Variants in ZDHHC14 observed in about 807,000 individuals in gnomAD.
The protein encoded by ZDHHC14 is zDHHC palmitoyltransferase 14.
A neutral mutation model predicts 47.7 loss-of-function variants in ZDHHC14; 16 were observed. That is an observed-to-expected ratio of 0.34 (90% confidence interval 0.23 to 0.51). ZDHHC14 has a LOEUF of 0.51. Among genes scored for constraint, ZDHHC14 ranks in the 20% least tolerant of loss-of-function variants. The pLI, the probability that ZDHHC14 is intolerant of heterozygous loss-of-function variation, is 0.97. For synonymous variants in ZDHHC14, 293 were observed against 278.9 expected (o/e 1.05, Z -0.50); for missense variants, 515 against 662.5 (o/e 0.78, Z 2.44).
intron 8 of ZDHHC14, among the ~76,000 whole-genome samples, chr6:157,656,919 G>T (rs1321534513): frequency 6.6e-6 from 1 of 152,150 alleles, no homozygotes; most frequent in Admixed American, 6.5e-5. Context: ...ATCATGGTGG[G>T]ATTGAGTAAG....
intron 8 of ZDHHC14, among the ~76,000 whole-genome samples, chr6:157,656,459 C>T (rs1030312053): frequency 2.0e-5 from 3 of 151,998 alleles, no homozygotes; most frequent in South Asian, 4.2e-4. Flanking sequence ...CTCAGCTTCC[C>T]GAGTAGATGG....
chr6:157,487,491 C>A (rs1299440080), intron 1 of ZDHHC14, among the ~76,000 whole-genome samples: 1 of 152,160 alleles, frequency 6.6e-6, no homozygotes, highest in African/African-American at 2.4e-5. Context: ...CACTACATGC[C>A]CTTGGTGAGC....
At chr6:157,450,370 T>C (rs901773099) in intron 1 of ZDHHC14, among the ~76,000 whole-genome samples, 7 of 151,966 alleles carry the variant, frequency 4.6e-5, no homozygotes, top group African/African-American at 1.2e-4. Flanking sequence ...AACAATTGGC[T>C]AAATTGTTTC....
At chr6:157,467,186 G>A (rs1377959666) in intron 1 of ZDHHC14, among the ~76,000 whole-genome samples, 1 of 152,154 alleles carries the variant, frequency 6.6e-6, no homozygotes, top group African/African-American at 2.4e-5. Context: ...CATGCCGTGA[G>A]ATTTGCCCTT....
chr6:157,548,361 T>TG (rs1264819363), intron 2 of ZDHHC14, among the ~76,000 whole-genome samples: 2 of 152,172 alleles, frequency 1.3e-5, no homozygotes, highest in African/African-American at 4.8e-5. Context: ...CCTGCCGGTG[T>TG]GGGGGTCCTT....
chr6:157,554,305 C>A (rs1227499087), intron 2 of ZDHHC14, among the ~76,000 whole-genome samples: 1 of 152,158 alleles, frequency 6.6e-6, no homozygotes, highest in Non-Finnish European at 1.5e-5. Flanking sequence ...AATATAACAC[C>A]CTTGGTGGAC....
chr6:157,552,133 C>T (rs1782259118), intron 2 of ZDHHC14, among the ~76,000 whole-genome samples: 1 of 152,172 alleles, frequency 6.6e-6, no homozygotes. Context: ...GTAAATTCAA[C>T]AAGCAAACTG....
chr6:157,484,331 A>G (rs1248244953), intron 1 of ZDHHC14, among the ~76,000 whole-genome samples: 1 of 142,252 alleles, frequency 7.0e-6, no homozygotes, highest in African/African-American at 2.5e-5. Flanking sequence ...ATATATACGT[A>G]TATATACATT....
Position 157,632,879 on chromosome 6 carries a change from CA to C in ZDHHC14, c.751del (p.Ser251AlafsTer25). ...CTAAATGCCCTTAAGGACAGTCCTG[CA>C]AGATATCCTTTGTGATGATTCTGTT... is the stretch of plus-strand genomic sequence containing the variant. ...GFLNALKDSP[A>X]SVLEAVVCFF... On this transcript the variant is annotated frameshift_variant and splice_region_variant, in exon 5 of 9. Transcript: ENST00000359775. LOFTEE classifies it high-confidence loss of function. 1 of 1,614,138 alleles carries C rather than the reference CA, an allele frequency of 6.2e-7. No individual in the cohort carries two copies.
chr6:157,394,854 T>C (rs1257875921), intron 1 of ZDHHC14, among the ~76,000 whole-genome samples: 3 of 152,070 alleles, frequency 2.0e-5, no homozygotes, highest in Non-Finnish European at 2.9e-5. Context: ...CAGCGATTCA[T>C]GTGTGACCAA....
At chr6:157,525,600 A>G (rs370908291) in intron 1 of ZDHHC14, among the ~76,000 whole-genome samples, 1 of 152,048 alleles carries the variant, frequency 6.6e-6, no homozygotes, top group Admixed American at 6.6e-5. Flanking sequence ...CACCACCTTG[A>G]CCACTTTCTA....
chr6:157,506,587 TAGCAATGACA>T (rs67050786), intron 1 of ZDHHC14, among the ~76,000 whole-genome samples: 21,875 of 152,154 alleles, frequency 0.14, 1,753 homozygotes, highest in Non-Finnish European at 0.17. Flanking sequence ...ATGGTAAACT[TAGCAATGACA>T]AGCTAGAATC....
chr6:157,668,266 A>G (rs753745312), intron 8 of ZDHHC14, among the ~76,000 whole-genome samples: 1 of 152,212 alleles, frequency 6.6e-6, no homozygotes, highest in Non-Finnish European at 1.5e-5. Flanking sequence ...TTAGATAGAC[A>G]GTCATCTTTT....
intron 3 of ZDHHC14, among the ~76,000 whole-genome samples, chr6:157,594,044 T>C (rs764155168): frequency 4.6e-5 from 7 of 152,240 alleles, no homozygotes; most frequent in Non-Finnish European, 1.0e-4. Context: ...ACCTCGTAAC[T>C]GAAAGGATAG....
intron 2 of ZDHHC14, among the ~76,000 whole-genome samples, chr6:157,584,314 G>A (rs1476873326): frequency 6.6e-6 from 1 of 152,140 alleles, no homozygotes; most frequent in Non-Finnish European, 1.5e-5. Context: ...GTGGTGTGCT[G>A]GAGGTGCCAG....
intron 1 of ZDHHC14, among the ~76,000 whole-genome samples, chr6:157,539,272 G>A (rs1781659273): frequency 1.3e-5 from 2 of 151,994 alleles, no homozygotes; most frequent in Non-Finnish European, 1.5e-5. Context: ...GTGTGGTGGT[G>A]AGGACCTGTA....
chr6:157,498,138 G>A (rs1780109715), intron 1 of ZDHHC14, among the ~76,000 whole-genome samples: 1 of 152,142 alleles, frequency 6.6e-6, no homozygotes, highest in Admixed American at 6.5e-5. Context: ...GGACATGTTA[G>A]CAATAAAGAG....
chr6:157,673,760 T>C lies in ZDHHC14; in HGVS notation c.*638T>C, dbSNP rs1778912900. On this transcript the variant is annotated 3_prime_UTR_variant, in exon 9 of 9. Transcript: ENST00000359775. This position sits in a 1 kb window ranked among gnomAD's most constrained non-coding sequence, Gnocchi z 5.4. ...CTGGGCTGAGGCGTCTGTGGAGAGG[T>C]GGCACCGGGGCTGCAGAGGGCGGCT... 1.3e-5 allele frequency: 2 copies of C among 152,574 alleles called. No homozygotes were observed. The highest frequency in any genetic ancestry group is 2.9e-5 in the Non-Finnish European group (2 of 68,038). The allele number at this position is 152,574 out of a possible 1,614,324, so 9.5% of individuals were successfully genotyped here.
chr6:157,455,990 T>C (rs1778903515), intron 1 of ZDHHC14, among the ~76,000 whole-genome samples: 1 of 152,178 alleles, frequency 6.6e-6, no homozygotes. Context: ...GAATTATCCT[T>C]AGGCCTCAGA....
Sources: allele counts gnomAD v4.1 joint callset (sites outside exome capture counted in the v4.1 genomes callset), GRCh38; gene constraint gnomAD v4.1.1; non-coding constraint Gnocchi (gnomAD v3.1); transcripts MANE v1.5; gene names NCBI Gene and HGNC (gene_info 2026-07-23, HGNC 2026-07-21).